Variants in NFIB observed in about 807,000 individuals in gnomAD.
NFIB encodes nuclear factor 1 B-type.
A neutral mutation model predicts 61.5 loss-of-function variants in NFIB; 11 were observed. That is an observed-to-expected ratio of 0.18 (90% CI 0.11 to 0.30). The LOEUF (loss-of-function observed/expected upper bound fraction) is 0.30, where lower values mean the gene tolerates loss of function less well. Among genes scored for constraint, NFIB ranks in the 10% least tolerant of loss-of-function variants. NFIB has a pLI of 1.00. For missense variants in NFIB, 471 were observed against 608.9 expected (o/e 0.77, Z 2.38); for synonymous variants, 260 against 216.5 (o/e 1.20, Z -1.76).
At chr9:14,211,394 G>C (rs1410196350) in intron 2 of NFIB, among the ~76,000 whole-genome samples, 1 of 152,062 alleles carries the variant, frequency 6.6e-6, no homozygotes, top group Non-Finnish European at 1.5e-5. Context: ...ACAGAAACAG[G>C]ATATAGGGAA....
the NFIB span, among the ~76,000 whole-genome samples, chr9:14,415,686 AT>A: frequency 1.3e-5 from 2 of 152,256 alleles, no homozygotes; most frequent in African/African-American, 2.4e-5. Context: ...AAAGAACTGC[AT>A]TTAAGAGAAA....
chr9:14,297,575 T>C (rs1716545089), intron 2 of NFIB, among the ~76,000 whole-genome samples: 1 of 152,210 alleles, frequency 6.6e-6, no homozygotes, highest in African/African-American at 2.4e-5. Context: ...TTTCAGATAT[T>C]TTCTAGATGG....
rs2060374723 is a variant in NFIB, at chr9:14,313,267, G to T, written c.30+215C>A. 6.6e-6 allele frequency among the ~76,000 whole-genome samples: 1 copy of T among 151,476 alleles called. No homozygotes were observed. Among genetic ancestry groups the T allele is most frequent in the African/African-American group, 2.4e-5 (1 of 41,368 alleles). ...GCCCGGCCCAGCGCCCGCGCTCCGT[G>T]CCCAGGGCGCGGGGCTGGGCGCTCG... On this transcript the variant is annotated intron_variant, in intron 1 of 10. Transcript: ENST00000380953. The surrounding 1 kb of genome is among the most constrained non-coding windows in gnomAD (Gnocchi z 4.5).
chr9:14,531,587 A>G, the NFIB span, among the ~76,000 whole-genome samples: 1 of 152,118 alleles, frequency 6.6e-6, no homozygotes, highest in Non-Finnish European at 1.5e-5. Flanking sequence ...CAATGCAAGA[A>G]CAATTAGCCA....
chr9:14,170,117 T>C (rs954983752), intron 3 of NFIB, among the ~76,000 whole-genome samples: 2 of 152,210 alleles, frequency 1.3e-5, no homozygotes, highest in Non-Finnish European at 2.9e-5. Context: ...CCTTAGTGCC[T>C]GGACAGTTTA....
chr9:14,494,069 G>A, the NFIB span, among the ~76,000 whole-genome samples: 2 of 152,170 alleles, frequency 1.3e-5, no homozygotes, highest in South Asian at 2.1e-4. Context: ...CTTAGGCGAG[G>A]GGGTTTTCTG....
At chr9:14,195,032 G>C (rs1437988803) in intron 2 of NFIB, among the ~76,000 whole-genome samples, 1 of 152,050 alleles carries the variant, frequency 6.6e-6, no homozygotes, top group Non-Finnish European at 1.5e-5. Context: ...GACCCTGGAA[G>C]GAAATCCTAT....
intron 2 of NFIB, among the ~76,000 whole-genome samples, chr9:14,212,866 A>G (rs976943572): frequency 4.6e-5 from 7 of 152,230 alleles, no homozygotes; most frequent in Non-Finnish European, 8.8e-5. Flanking sequence ...AAGGAAATTG[A>G]GGCTCACAGA....
intron 2 of NFIB, among the ~76,000 whole-genome samples, chr9:14,202,787 A>G (rs1440900577): frequency 6.6e-6 from 1 of 152,208 alleles, no homozygotes; most frequent in Non-Finnish European, 1.5e-5. Flanking sequence ...TTTCTTATGA[A>G]AAAAATCACC....
chr9:14,284,648 T>C (rs568649830), intron 2 of NFIB, among the ~76,000 whole-genome samples: 1 of 152,186 alleles, frequency 6.6e-6, no homozygotes, highest in Non-Finnish European at 1.5e-5. Context: ...AAAACTTTCA[T>C]AACAGAAAGA....
chr9:14,373,377 A>C lies in NFIB; in HGVS notation c.108+25147T>G, dbSNP rs757391435. 1.2e-3 allele frequency among the ~76,000 whole-genome samples: 187 copies of C among 152,308 alleles called. 5 individuals carry two copies. The highest frequency in any genetic ancestry group is 1.3e-3 in the Non-Finnish European group (87 of 68,030). ...TTGCCAGCAGTGTCTGCTTAGGAAT[A>C]TCTTTTGTCTTATAGCCTGTTGTAA... On this transcript the variant is annotated intron_variant, in intron 1 of 8. Coordinates refer to the NFIB transcript ENST00000380934.
chr9:14,326,509 A>G (rs1470779860), intron 1 of NFIB, among the ~76,000 whole-genome samples: 3 of 152,160 alleles, frequency 2.0e-5, no homozygotes, highest in Non-Finnish European at 4.4e-5. Flanking sequence ...AGATCTGATG[A>G]CATCTTCTAA....
At chr9:14,327,115 A>G (rs2060763619) in intron 1 of NFIB, among the ~76,000 whole-genome samples, 1 of 151,662 alleles carries the variant, frequency 6.6e-6, no homozygotes, top group African/African-American at 2.4e-5. Flanking sequence ...TTTTTTTTTA[A>G]CCATTTTCAA....
intron 1 of NFIB, among the ~76,000 whole-genome samples, chr9:14,388,426 A>C (rs865835726): frequency 7.3e-6 from 1 of 136,858 alleles, no homozygotes; most frequent in Non-Finnish European, 1.6e-5. Flanking sequence ...GAAGGAAGGA[A>C]GGAGAGAGAA....
chr9:14,370,345 C>T (rs2061345299), intron 1 of NFIB, among the ~76,000 whole-genome samples: 1 of 152,150 alleles, frequency 6.6e-6, no homozygotes, highest in South Asian at 2.1e-4. Context: ...CTACTTAATT[C>T]ATTGATGTAA....
chr9:14,264,711 T>C (rs1049065485), intron 2 of NFIB, among the ~76,000 whole-genome samples: 1 of 152,138 alleles, frequency 6.6e-6, no homozygotes, highest in African/African-American at 2.4e-5. Flanking sequence ...ATTTCTAGAA[T>C]GTAGAGGAGA....
chr9:14,238,396 A>G (rs2054015329), intron 2 of NFIB, among the ~76,000 whole-genome samples: 1 of 152,164 alleles, frequency 6.6e-6, no homozygotes. Flanking sequence ...GAAGAGTTTA[A>G]TACGTAAGGT....
the NFIB span, among the ~76,000 whole-genome samples, chr9:14,435,828 A>ATGG: frequency 1.3e-5 from 2 of 152,216 alleles, no homozygotes; most frequent in Admixed American, 6.5e-5. Flanking sequence ...CGGCCTCAGA[A>ATGG]CCAGGCTTCT....
chr9:14,213,563 G>C (rs2050536328), intron 2 of NFIB, among the ~76,000 whole-genome samples: 1 of 152,184 alleles, frequency 6.6e-6, no homozygotes, highest in African/African-American at 2.4e-5. Flanking sequence ...TGCTGGTCGT[G>C]GGACCAAACT....
Sources: gnomAD v4.1 joint callset for allele counts (sites outside exome capture counted in the v4.1 genomes callset) on GRCh38, gnomAD v4.1.1 for gene constraint, Gnocchi (gnomAD v3.1) non-coding constraint, MANE v1.5 for transcripts, NCBI Gene and HGNC (gene_info 2026-07-23, HGNC 2026-07-21) for gene names.